PCCA: variants seen among roughly 807,000 people sequenced by gnomAD.
PCCA encodes the protein propionyl-CoA carboxylase alpha chain, mitochondrial.
Under a neutral mutation model 101.3 loss-of-function variants are expected in PCCA, and 74 were observed. That is an observed-to-expected ratio of 0.73 (90% CI 0.61 to 0.89). The LOEUF (loss-of-function observed/expected upper bound fraction) is 0.89, where lower values mean the gene tolerates loss of function less well. Ranked by LOEUF, PCCA falls within the 40% of genes least tolerant of loss-of-function variation. The pLI, the probability that PCCA is intolerant of heterozygous loss-of-function variation, is 0.00. For synonymous variants in PCCA, 294 were observed against 313.6 expected (o/e 0.94, Z 0.66); for missense variants, 891 against 907.0 (o/e 0.98, Z 0.23).
intron 19 of PCCA, among the ~76,000 whole-genome samples, chr13:100,422,122 T>TCCTTC (rs2078856827): frequency 8.3e-6 from 1 of 121,176 alleles, no homozygotes; most frequent in African/African-American, 3.6e-5. Context: ...TTCTTTCTTT[T>TCCTTC]CTTTCTTTCT....
rs1782709523 is a variant in PCCA at position 100,525,359 on chromosome 13, G to A, written c.2041-2316G>A. Among the ~76,000 whole-genome samples the A allele has an allele frequency of 2.0e-5, 3 of 152,182 alleles. No homozygotes were observed. The South Asian group carries it at 6.2e-4, about 32-fold the overall frequency. Reference sequence around the variant, plus strand: ...ATGAACAACTGGGGACCCAGCACTTGCAGTTACCTGTGCGTTACCTCTTTG... The same window carrying A: ...ATGAACAACTGGGGACCCAGCACTTACAGTTACCTGTGCGTTACCTCTTTG... On this transcript the variant is annotated intron_variant, in intron 22 of 23. Coordinates refer to ENST00000376285, the MANE Select transcript of PCCA (RefSeq NM_000282.4).
At chr13:100,328,596 CT>C (rs2152729641) in intron 16 of PCCA, among the ~76,000 whole-genome samples, 1 of 150,882 alleles carries the variant, frequency 6.6e-6, no homozygotes, top group Admixed American at 6.6e-5. Context: ...AGATTTTTTC[CT>C]CCATATTTTC....
In PCCA at chr13:100,155,079, C is replaced by T; in HGVS notation, c.401C>T (p.Thr134Ile). 2 of 1,610,918 alleles carry T rather than the reference C, an allele frequency of 1.2e-6. No individual in the cohort carries two copies. Among genetic ancestry groups the T allele is most frequent in the Non-Finnish European group, 1.7e-6 (2 of 1,177,226 alleles). Residue 134 changes from threonine to isoleucine, a missense_variant, in exon 5 of 24, where the codon ACC becomes ATC. Transcript: ENST00000376285. The part of the protein sequence containing the change: ...MDAIMEAIKK[T>I]RAQAVHPGYG... ...GCCATCATGGAAGCCATTAAGAAAA[C>T]CAGGGCCCAAGCTGTGAGTCTGAAT...
At chr13:100,321,653 AAT>A (rs144131029) in intron 16 of PCCA, among the ~76,000 whole-genome samples, 51 of 144,676 alleles carry the variant, frequency 3.5e-4, no homozygotes, top group African/African-American at 1.0e-3. Flanking sequence ...AGCAATCTAT[AAT>A]ATATATATAT....
intron 1 of PCCA, among the ~76,000 whole-genome samples, chr13:100,100,960 T>C (rs923408083): frequency 1.3e-5 from 2 of 152,194 alleles, no homozygotes; most frequent in African/African-American, 2.4e-5. Context: ...TGCACCACCA[T>C]GCCCAGCTAA....
chr13:100,276,581 C>G (rs879578454), intron 12 of PCCA, among the ~76,000 whole-genome samples: 7 of 152,124 alleles, frequency 4.6e-5, no homozygotes, highest in Non-Finnish European at 4.4e-5. Context: ...CTTAATATAT[C>G]TCTTATGTTT....
intron 6 of PCCA, among the ~76,000 whole-genome samples, chr13:100,179,505 C>T (rs2056581023): frequency 6.6e-6 from 1 of 152,124 alleles, no homozygotes; most frequent in South Asian, 2.1e-4. Flanking sequence ...ATCATTTCTG[C>T]GTTTTCAGCT....
chr13:100,182,086 T>TTTTTTC (rs2056841899), intron 6 of PCCA, among the ~76,000 whole-genome samples: 1 of 148,014 alleles, frequency 6.8e-6, no homozygotes, highest in Admixed American at 6.8e-5. Context: ...CTAATATTGT[T>TTTTTTC]TTTTTCTTTT....
intron 15 of PCCA, among the ~76,000 whole-genome samples, chr13:100,308,925 C>A (rs1449361952): frequency 1.3e-5 from 2 of 152,138 alleles, no homozygotes; most frequent in Non-Finnish European, 2.9e-5. Context: ...TATAGAGATA[C>A]ATATAAGTAG....
intron 16 of PCCA, among the ~76,000 whole-genome samples, chr13:100,315,739 CTGG>C (rs983191425): frequency 6.6e-6 from 1 of 152,196 alleles, no homozygotes; most frequent in Non-Finnish European, 1.5e-5. Context: ...TCTCTGTGGC[CTGG>C]TGGTGATTTC....
intron 22 of PCCA, among the ~76,000 whole-genome samples, chr13:100,516,546 G>A (rs1407556277): frequency 1.3e-5 from 2 of 152,150 alleles, no homozygotes; most frequent in Non-Finnish European, 2.9e-5. Context: ...TTAGAAAACC[G>A]ACTTAACAGC....
chr13:100,466,565 T>G, intron 21 of PCCA, among the ~76,000 whole-genome samples: 1 of 152,218 alleles, frequency 6.6e-6, no homozygotes, highest in Non-Finnish European at 1.5e-5. Context: ...CAAAGTACCC[T>G]CGTTTGAAAT....
rs972937270 is a variant in PCCA, at chr13:100,111,889, G to C, written c.231+1G>C. On this transcript the variant is annotated splice_donor_variant, in intron 3 of 23. Coordinates refer to ENST00000376285, the MANE Select transcript of PCCA (RefSeq NM_000282.4). LOFTEE classifies it high-confidence loss of function. ...TAATAGAGGAGAAATTGCATGTCGG[G>C]TGAGTAGAATTTTCGTCTTATTTTC... 8 of 1,610,276 alleles carry C rather than the reference G, an allele frequency of 5.0e-6. No homozygotes were observed. The highest frequency in any genetic ancestry group is 2.7e-5 in the African/African-American group (2 of 74,782).
chr13:100,237,935 C>CTTT lies in PCCA; in HGVS notation c.637+2058_637+2060dup, dbSNP rs1167146448. Among the ~76,000 whole-genome samples, 76 of 131,068 alleles carry CTTT rather than the reference C, an allele frequency of 5.8e-4. 1 individual carries two copies. Among genetic ancestry groups the CTTT allele is most frequent in the South Asian group, 3.8e-3 (15 of 3,918 alleles). 86.0% of individuals were successfully genotyped at this position (131,068 alleles called of 152,430 possible). On this transcript the variant is annotated intron_variant, in intron 8 of 23. Coordinates refer to ENST00000376285, the MANE Select transcript of PCCA (RefSeq NM_000282.4). Reference sequence around the variant, plus strand: ...TTTCTTCCACTTTCTTTCTTTCTTTCTTTCTTTTTTTTTTTTTTTGAGACA... The same window carrying CTTT: ...TTTCTTCCACTTTCTTTCTTTCTTTCTTTTTTCTTTTTTTTTTTTTTTGAGACA...
At chr13:100,463,496 T>TAACTG (rs139737914) in intron 21 of PCCA, among the ~76,000 whole-genome samples, 17,460 of 151,818 alleles carry the variant, frequency 0.12, 1,767 homozygotes, top group African/African-American at 0.28. Context: ...CTGATGCAGT[T>TAACTG]AGGGAGGAAA....
chr13:100,133,556 C>T (rs1407443714), intron 4 of PCCA, among the ~76,000 whole-genome samples: 1 of 152,176 alleles, frequency 6.6e-6, no homozygotes, highest in African/African-American at 2.4e-5. Flanking sequence ...AGTTAATTCT[C>T]TGTAAGATTT....
chr13:100,129,857 T>A (rs2050323024), intron 4 of PCCA, among the ~76,000 whole-genome samples: 1 of 152,194 alleles, frequency 6.6e-6, no homozygotes, highest in Admixed American at 6.5e-5. Context: ...TACTTTGCAT[T>A]TGGCACTTCC....
intron 7 of PCCA, among the ~76,000 whole-genome samples, chr13:100,220,098 T>C (rs1254229820): frequency 6.6e-6 from 1 of 152,138 alleles, no homozygotes; most frequent in African/African-American, 2.4e-5. Flanking sequence ...GAGGGCTTAC[T>C]CCTGAATGCT....
chr13:100,471,930 G>A (rs2083049211), intron 21 of PCCA, among the ~76,000 whole-genome samples: 2 of 152,174 alleles, frequency 1.3e-5, no homozygotes, highest in African/African-American at 4.8e-5. Context: ...GCTCAGCAGA[G>A]TCCAGGTTCT....
Sources: gnomAD v4.1 joint callset for allele counts (sites outside exome capture counted in the v4.1 genomes callset) on GRCh38, gnomAD v4.1.1 for gene constraint, MANE v1.5 for transcripts, NCBI Gene and HGNC (gene_info 2026-07-23, HGNC 2026-07-21) for gene names.